KDM4C: variants seen among roughly 807,000 people sequenced by gnomAD.
The protein encoded by KDM4C is lysine-specific demethylase 4C.
In KDM4C, 81 loss-of-function variants were observed where a neutral mutation model predicts 129.3. That is an observed-to-expected ratio of 0.63 (90% CI 0.52 to 0.75). KDM4C has a LOEUF of 0.75. Among genes scored for constraint, KDM4C ranks in the 30% least tolerant of loss-of-function variants. The pLI is 0.00. For missense variants in KDM4C, 1,457 were observed against 1,304.0 expected, an observed-to-expected ratio of 1.12 and a Z score of -1.81; for synonymous variants, 573 against 456.1, an observed-to-expected ratio of 1.26 and a Z score of -3.26.
chr9:6,834,043 C>CTTTTTTTTTTTTTTTTT (rs71487860), intron 4 of KDM4C, among the ~76,000 whole-genome samples: 8 of 109,458 alleles, frequency 7.3e-5, no homozygotes, highest in Admixed American at 3.2e-4. Flanking sequence ...AAGAGATAGT[C>CTTTTTTTTTTTTTTTTT]TTTTTTTTTT....
At chr9:6,831,645 GAT>G (rs1219765057) in intron 4 of KDM4C, among the ~76,000 whole-genome samples, 1 of 152,040 alleles carries the variant, frequency 6.6e-6, no homozygotes, top group East Asian at 1.9e-4. Flanking sequence ...CCCGGCCTAT[GAT>G]GAGATCTTTA....
Position 7,169,802 on chromosome 9 carries a change from A to C in KDM4C, c.2906A>C (p.Glu969Ala). Residue 969 changes from glutamate to alanine, a missense_variant, in exon 21 of 22, where the codon GAG (glutamate) becomes GCG (alanine). Glu to Ala is a moderately radical substitution (Grantham distance 107). Transcript: ENST00000381309. ...TGTTATATTATCTTTCATTAGGTTG[A>C]GTTTGAAGATGGATCCCAGATAGCA... ...GSNIAHMYQV[E>A]FEDGSQIAMK... 6.3e-7 allele frequency: 1 copy of C among 1,599,456 alleles called. No homozygotes were observed. Among genetic ancestry groups the C allele is most frequent in the Non-Finnish European group, 8.6e-7 (1 of 1,168,306 alleles).
At chr9:7,087,040 T>A (rs1191318287) in intron 17 of KDM4C, among the ~76,000 whole-genome samples, 1 of 151,674 alleles carries the variant, frequency 6.6e-6, no homozygotes, top group South Asian at 2.1e-4. Context: ...GAAAAGGGAA[T>A]GAATCAAGTA....
intron 8 of KDM4C, among the ~76,000 whole-genome samples, chr9:6,919,350 A>G (rs905337859): frequency 1.3e-5 from 2 of 148,976 alleles, no homozygotes; most frequent in African/African-American, 2.5e-5. Context: ...TAGTGTGCAA[A>G]TATTATCTCC....
intron 5 of KDM4C, among the ~76,000 whole-genome samples, chr9:6,878,945 A>C (rs1844013682): frequency 6.6e-6 from 1 of 152,204 alleles, no homozygotes; most frequent in Non-Finnish European, 1.5e-5. Context: ...TTGTCTTCCC[A>C]TTTCGGTTGG....
chr9:6,757,040 TA>T (rs200741742), upstream of KDM4C, among the ~76,000 whole-genome samples: 7 of 150,666 alleles, frequency 4.6e-5, no homozygotes, highest in African/African-American at 7.3e-5. Flanking sequence ...GTAGGAAGTT[TA>T]AAAAAAAAAT....
At chr9:7,150,388 G>C (rs934418836) in intron 19 of KDM4C, among the ~76,000 whole-genome samples, 3 of 152,198 alleles carry the variant, frequency 2.0e-5, no homozygotes, top group African/African-American at 7.2e-5. Context: ...TCCTGGGAGG[G>C]CGGGTCACAG....
At chr9:7,054,525 C>T (rs1004459280) in intron 17 of KDM4C, among the ~76,000 whole-genome samples, 4 of 152,014 alleles carry the variant, frequency 2.6e-5, no homozygotes, top group Non-Finnish European at 4.4e-5. Flanking sequence ...TTAGAGATAA[C>T]AAATGATGTT....
At chr9:7,127,677 C>G (rs1025467745) in intron 18 of KDM4C, among the ~76,000 whole-genome samples, 2 of 152,108 alleles carry the variant, frequency 1.3e-5, no homozygotes, top group African/African-American at 4.8e-5. Context: ...ATTATTGGAT[C>G]ATTTGACCAA....
intron 8 of KDM4C, among the ~76,000 whole-genome samples, chr9:6,910,337 A>G (rs1452396250): frequency 6.6e-6 from 1 of 152,196 alleles, no homozygotes; most frequent in African/African-American, 2.4e-5. Flanking sequence ...CTGAACTTAC[A>G]TTAACTTGTT....
intron 17 of KDM4C, among the ~76,000 whole-genome samples, chr9:7,082,936 A>T (rs977377161): frequency 6.6e-6 from 1 of 152,204 alleles, no homozygotes; most frequent in Admixed American, 6.5e-5. Flanking sequence ...TTTACTATTG[A>T]TATTAATAGC....
In KDM4C at chr9:7,043,683, C is replaced by CT. The variant is rs78680077; in HGVS notation, c.2260-3168dup. On this transcript the variant is annotated intron_variant, in intron 15 of 21. Coordinates refer to ENST00000381309, the MANE Select transcript of KDM4C (RefSeq NM_015061.6). ...TTGACATGACTTTGGTTGTTTCCTA[C>CT]TTTTTTTTTTTCAAAATTGGGAGAA... Among the ~76,000 whole-genome samples the CT allele has an allele frequency of 1.5e-3, 213 of 146,088 alleles. 2 individuals are homozygous for CT. Among genetic ancestry groups the CT allele is most frequent in the Middle Eastern group, 7.0e-3 (2 of 284 alleles).
At chr9:7,024,194 A>T (rs1093703) in intron 15 of KDM4C, among the ~76,000 whole-genome samples, 1 of 151,084 alleles carries the variant, frequency 6.6e-6, no homozygotes, top group Non-Finnish European at 1.5e-5. Context: ...TTACTTTTCT[A>T]TCTGGAGGAT....
At chr9:6,950,883 T>C (rs566966234) in intron 8 of KDM4C, among the ~76,000 whole-genome samples, 9 of 152,312 alleles carry the variant, frequency 5.9e-5, no homozygotes, top group African/African-American at 2.2e-4. Context: ...AGATCCTTAG[T>C]AGTCATGCCA....
chr9:6,874,052 C>T (rs1403246521), intron 5 of KDM4C, among the ~76,000 whole-genome samples: 1 of 151,968 alleles, frequency 6.6e-6, no homozygotes, highest in East Asian at 1.9e-4. Flanking sequence ...TTGTGGTGCC[C>T]CCAAACAATA....
intron 8 of KDM4C, among the ~76,000 whole-genome samples, chr9:6,937,872 C>T (rs1825112950): frequency 6.6e-6 from 1 of 152,006 alleles, no homozygotes; most frequent in Admixed American, 6.5e-5. Flanking sequence ...CCACTGTGGC[C>T]AGCTAATTTT....
intron 1 of KDM4C, among the ~76,000 whole-genome samples, chr9:6,736,623 C>G (rs1367165325): frequency 6.6e-6 from 1 of 152,026 alleles, no homozygotes; most frequent in South Asian, 2.1e-4. Context: ...TTGGGAACCT[C>G]AATTAGGAAG....
Position 6,856,846 on chromosome 9 carries a change from T to C in KDM4C, c.629+7146T>C, listed in dbSNP as rs1304674457. ...AATCTCGGCTCACTGCAAGCTCCGCTTCCCGGGTTCACGCCATTCTCCTGC... is the reference window on the plus strand; with the variant it reads ...AATCTCGGCTCACTGCAAGCTCCGCCTCCCGGGTTCACGCCATTCTCCTGC... On this transcript the variant is annotated intron_variant, in intron 5 of 21. Transcript: ENST00000381309. Among the ~76,000 whole-genome samples the C allele has an allele frequency of 3.4e-5, 5 of 149,042 alleles. No homozygotes were observed. In the South Asian group the frequency reaches 1.1e-3, roughly 32 times the overall value.
At chr9:6,752,943 C>G (rs1818122744), upstream of KDM4C, among the ~76,000 whole-genome samples, 1 of 152,164 alleles carries the variant, frequency 6.6e-6, no homozygotes, top group East Asian at 1.9e-4. Flanking sequence ...TCCAGGCACT[C>G]TATGATCATT....
Sources: gnomAD v4.1 joint callset for allele counts (sites outside exome capture counted in the v4.1 genomes callset) on GRCh38, gnomAD v4.1.1 for gene constraint, MANE v1.5 for transcripts, NCBI Gene and HGNC (gene_info 2026-07-23, HGNC 2026-07-21) for gene names.